The following CADM2 variants were observed in gnomAD, a reference collection of about 807,000 sequenced individuals.
The protein encoded by CADM2 is immunoglobulin superfamily member 4D.
In CADM2, 12 loss-of-function variants were observed where a neutral mutation model predicts 49.8. The observed-to-expected ratio is 0.24, with a 90% CI of 0.15 to 0.39. The LOEUF (loss-of-function observed/expected upper bound fraction) is 0.39, where lower values mean the gene tolerates loss of function less well. CADM2 is among the 10% of genes least tolerant of loss of function. The pLI is 1.00. For missense variants in CADM2, 378 were observed against 492.3 expected (o/e 0.77, Z 2.20); for synonymous variants, 214 against 175.4 (o/e 1.22, Z -1.74).
chr3:85,086,883 T>A (rs1488782781), intron 1 of CADM2, among the ~76,000 whole-genome samples: 1 of 152,156 alleles, frequency 6.6e-6, no homozygotes, highest in Non-Finnish European at 1.5e-5. Flanking sequence ...ACTTTATATA[T>A]GGTGTAGCCA....
At chr3:85,807,349 A>C (rs894690167) in intron 3 of CADM2, among the ~76,000 whole-genome samples, 1 of 152,034 alleles carries the variant, frequency 6.6e-6, no homozygotes, top group African/African-American at 2.4e-5. Context: ...AAATACAAAA[A>C]TTATCTGGGC....
chr3:85,876,137 T>C (rs1339977022), intron 3 of CADM2, among the ~76,000 whole-genome samples: 2 of 152,168 alleles, frequency 1.3e-5, no homozygotes, highest in Non-Finnish European at 2.9e-5. Context: ...AACTTTTAAA[T>C]GTGTGCAGTG....
chr3:85,067,279 C>CTG (rs5850663), intron 1 of CADM2, among the ~76,000 whole-genome samples: 110 of 150,952 alleles, frequency 7.3e-4, no homozygotes, highest in African/African-American at 2.5e-3. Context: ...TCTAATTAAA[C>CTG]TGTGTGTGTG....
intron 1 of CADM2, among the ~76,000 whole-genome samples, chr3:85,434,429 A>G (rs2036832977): frequency 6.6e-6 from 1 of 151,924 alleles, no homozygotes; most frequent in African/African-American, 2.4e-5. Flanking sequence ...CAGTATATTC[A>G]TTCATCTATC....
intron 1 of CADM2, among the ~76,000 whole-genome samples, chr3:85,593,002 G>C (rs907337559): frequency 6.6e-6 from 1 of 151,838 alleles, no homozygotes; most frequent in African/African-American, 2.4e-5. Context: ...GGACTCCAAA[G>C]AGCCTGTATT....
At chr3:86,050,793 G>A (rs1669755108) in intron 8 of CADM2, among the ~76,000 whole-genome samples, 2 of 152,158 alleles carry the variant, frequency 1.3e-5, no homozygotes, top group African/African-American at 2.4e-5. Flanking sequence ...GCAAGGAGAA[G>A]TGTCCCAAGG....
chr3:85,327,197 A>G lies in CADM2; in HGVS notation c.61+367529A>G, dbSNP rs371582253. ...CTAAAATACAAAGGGAGAATCATTGATGTCTCTCTCTTTATCTATATAAAT... is the reference window on the plus strand; with the variant it reads ...CTAAAATACAAAGGGAGAATCATTGGTGTCTCTCTCTTTATCTATATAAAT... On this transcript the variant is annotated intron_variant, in intron 1 of 9. Transcript: ENST00000383699. Among the ~76,000 whole-genome samples the G allele has an allele frequency of 5.3e-5, 8 of 152,014 alleles. No homozygotes were observed. The East Asian group carries it at 1.4e-3, about 26-fold the overall frequency.
At chr3:85,923,439 T>A (rs1719401449) in intron 6 of CADM2, among the ~76,000 whole-genome samples, 1 of 151,990 alleles carries the variant, frequency 6.6e-6, no homozygotes, top group African/African-American at 2.4e-5. Context: ...TCTCCTCCAA[T>A]TTTTCTAATA....
chr3:85,983,038 A>ATATC (rs1727664936), intron 8 of CADM2, among the ~76,000 whole-genome samples: 1 of 151,746 alleles, frequency 6.6e-6, no homozygotes, highest in Non-Finnish European at 1.5e-5. Context: ...ATCACTGTTA[A>ATATC]TATCTCCATT....
intron 1 of CADM2, among the ~76,000 whole-genome samples, chr3:85,361,249 A>T (rs1049559836): frequency 6.6e-6 from 1 of 152,182 alleles, no homozygotes; most frequent in African/African-American, 2.4e-5. Context: ...GCAGCGAGAG[A>T]GGAACTTTTT....
chr3:85,911,932 T>C (rs1717654922), intron 5 of CADM2, among the ~76,000 whole-genome samples: 1 of 150,860 alleles, frequency 6.6e-6, no homozygotes. Context: ...TTTTTTTTAT[T>C]ATTTATTTAT....
intron 8 of CADM2, among the ~76,000 whole-genome samples, chr3:86,042,015 G>T (rs1489739360): frequency 6.6e-6 from 1 of 152,124 alleles, no homozygotes; most frequent in Non-Finnish European, 1.5e-5. Context: ...AAATAAAGAT[G>T]TTCTTTGAAA....
intron 5 of CADM2, among the ~76,000 whole-genome samples, chr3:85,904,331 C>T (rs932167254): frequency 6.6e-6 from 1 of 152,132 alleles, no homozygotes; most frequent in Non-Finnish European, 1.5e-5. Context: ...AGCCACACCA[C>T]CTGGAATTTT....
intron 1 of CADM2, among the ~76,000 whole-genome samples, chr3:85,182,130 T>C (rs2040951011): frequency 6.6e-6 from 1 of 152,050 alleles, no homozygotes; most frequent in South Asian, 2.1e-4. Flanking sequence ...AAACACGATA[T>C]ATGCATAACT....
At chr3:86,013,332 T>C (rs565994117) in intron 8 of CADM2, 9 of 1,543,482 alleles carry the variant, frequency 5.8e-6, no homozygotes, top group African/African-American at 1.4e-5. Context: ...AAACAAAGAA[T>C]ACCTAAAATC....
At chr3:85,886,350 T>C in intron 5 of CADM2, 23 bp downstream of exon 5, 1 of 1,563,616 alleles carries the variant, frequency 6.4e-7, no homozygotes, top group Non-Finnish European at 8.8e-7. Context: ...AAAATGAAAA[T>C]CAAAATTAAT....
At chr3:85,816,032 A>G (rs1486124776) in intron 3 of CADM2, among the ~76,000 whole-genome samples, 2 of 152,166 alleles carry the variant, frequency 1.3e-5, no homozygotes, top group African/African-American at 4.8e-5. Context: ...ATTCAATTCT[A>G]TTTGTAAGCA....
At chr3:85,868,410 C>G (rs1187681282) in intron 3 of CADM2, among the ~76,000 whole-genome samples, 2 of 152,080 alleles carry the variant, frequency 1.3e-5, no homozygotes, top group Non-Finnish European at 2.9e-5. Context: ...AAAACAGAAA[C>G]GACTTTCACT....
chr3:85,593,099 T>C (rs1487391348), intron 1 of CADM2, among the ~76,000 whole-genome samples: 1 of 152,006 alleles, frequency 6.6e-6, no homozygotes, highest in Non-Finnish European at 1.5e-5. Flanking sequence ...TGAACATGGC[T>C]TTTATATTTT....
Sources: gnomAD v4.1 joint callset for allele counts (sites outside exome capture counted in the v4.1 genomes callset) on GRCh38, gnomAD v4.1.1 for gene constraint, MANE v1.5 for transcripts, NCBI Gene and HGNC (gene_info 2026-07-23, HGNC 2026-07-21) for gene names.